Variants in ARHGAP19 observed in about 807,000 individuals in gnomAD.
The protein encoded by ARHGAP19 is rho GTPase-activating protein 19.
Under a neutral mutation model 60.9 loss-of-function variants are expected in ARHGAP19, and 48 were observed. The observed-to-expected ratio is 0.79, with a 90% CI of 0.62 to 1.00. The LOEUF (loss-of-function observed/expected upper bound fraction) is 1.00, where lower values mean the gene tolerates loss of function less well. ARHGAP19 is among the 50% of genes least tolerant of loss of function. The pLI, the probability that ARHGAP19 is intolerant of heterozygous loss-of-function variation, is 0.00. For missense variants in ARHGAP19, 562 were observed against 597.2 expected (o/e 0.94, Z 0.61); for synonymous variants, 209 against 215.5 (o/e 0.97, Z 0.27).
chr10:97,225,968 T>C lies in ARHGAP19; in HGVS notation c.*154A>G. The C allele has an allele frequency of 4.2e-6, 3 of 710,394 alleles. No individual in the cohort carries two copies. Among genetic ancestry groups the C allele is most frequent in the Non-Finnish European group, 7.1e-6 (3 of 421,376 alleles). 44.0% of individuals were successfully genotyped at this position (710,394 alleles called of 1,614,324 possible). A position where few individuals can be genotyped will look rare whatever the true frequency, so the allele number is the denominator to read the frequency against. On this transcript the variant is annotated 3_prime_UTR_variant, in exon 12 of 12. Coordinates refer to ENST00000358531, the MANE Select transcript of ARHGAP19 (RefSeq NM_032900.6). ...TGCAAACATCATCCAGTGAGTGGGG[T>C]TAGAGGTATCAGTCGGGTCACGGTA...
At chr10:97,280,475 GT>G (rs1843069590) in intron 1 of ARHGAP19, among the ~76,000 whole-genome samples, 1 of 151,886 alleles carries the variant, frequency 6.6e-6, no homozygotes, top group Non-Finnish European at 1.5e-5. Flanking sequence ...CTTGGAAAAA[GT>G]TCTATAGGAT....
At position 97,283,375 on chromosome 10, in the gene ARHGAP19, T is replaced by C. The variant is rs1843111177; in HGVS notation, c.56+9197A>G. ...TTCGAGACCAACCTGGCCAACATGG[T>C]GATACCCCGTCTCTACTAAAAATAC... On this transcript the variant is annotated intron_variant, in intron 1 of 11. Transcript: ENST00000358531. Among the ~76,000 whole-genome samples, 3 of 151,470 alleles carry C rather than the reference T, an allele frequency of 2.0e-5. No individual in the cohort carries two copies. The South Asian group carries it at 6.3e-4, about 32-fold the overall frequency.
At chr10:97,283,530 G>A (rs938292192) in intron 1 of ARHGAP19, among the ~76,000 whole-genome samples, 3 of 151,800 alleles carry the variant, frequency 2.0e-5, no homozygotes, top group Non-Finnish European at 4.4e-5. Context: ...CTCCGGCCTG[G>A]GCAACAGAGT....
At chr10:97,251,838 A>G (rs1842687184) in intron 6 of ARHGAP19, among the ~76,000 whole-genome samples, 1 of 146,626 alleles carries the variant, frequency 6.8e-6, no homozygotes, top group Non-Finnish European at 1.5e-5. Context: ...AGATGCTATG[A>G]GCTGAAAAAA....
At chr10:97,240,126 G>GA (rs1842455208) in intron 8 of ARHGAP19, among the ~76,000 whole-genome samples, 38 of 145,486 alleles carry the variant, frequency 2.6e-4, no homozygotes, top group South Asian at 4.3e-4. Context: ...GTTTTAAGGG[G>GA]GAAAAAAAAA....
chr10:97,284,367 C>A (rs946667836), intron 1 of ARHGAP19, among the ~76,000 whole-genome samples: 17 of 152,058 alleles, frequency 1.1e-4, no homozygotes, highest in Admixed American at 1.0e-3. Flanking sequence ...AAGTGTTCTG[C>A]CCACCTTGGC....
chr10:97,262,651 G>T (rs960576527), intron 4 of ARHGAP19, among the ~76,000 whole-genome samples: 5 of 152,052 alleles, frequency 3.3e-5, no homozygotes, highest in Non-Finnish European at 5.9e-5. Flanking sequence ...GTGACAGAGC[G>T]AGACTCAGTC....
At chr10:97,256,994 G>A (rs912192713) in intron 5 of ARHGAP19, among the ~76,000 whole-genome samples, 1 of 152,046 alleles carries the variant, frequency 6.6e-6, no homozygotes, top group Non-Finnish European at 1.5e-5. Flanking sequence ...GGTGGCGGGC[G>A]CCTGTAGTCC....
intron 6 of ARHGAP19, among the ~76,000 whole-genome samples, chr10:97,249,259 T>C (rs1842606783): frequency 6.6e-6 from 1 of 152,152 alleles, no homozygotes; most frequent in African/African-American, 2.4e-5. Flanking sequence ...CATTATTAGG[T>C]AATCACTCTA....
At chr10:97,289,667 T>G (rs1843203817) in intron 1 of ARHGAP19, among the ~76,000 whole-genome samples, 1 of 151,270 alleles carries the variant, frequency 6.6e-6, no homozygotes, top group African/African-American at 2.4e-5. Context: ...AGACCCCGGT[T>G]TCTACAAAAA....
At chr10:97,244,180 G>A in intron 7 of ARHGAP19, 21 bp from the exon 8 acceptor site, 2 of 1,564,600 alleles carry the variant, frequency 1.3e-6, no homozygotes, top group Non-Finnish European at 1.7e-6. Flanking sequence ...TTTAAAAGAA[G>A]AGTAAATTAA....
In ARHGAP19 at chr10:97,277,615, T is replaced by A. The variant is rs1196778938; in HGVS notation, c.57-11490A>T. The A allele has an allele frequency of 1.7e-3, 3 of 1,726 alleles. 1 individual carries two copies. Among genetic ancestry groups the A allele is most frequent in the African/African-American group, 1.8e-3 (3 of 1,706 alleles). The allele number at this position is 1,726 out of a possible 1,614,324, so 0.1% of individuals were successfully genotyped here. A position where few individuals can be genotyped will look rare whatever the true frequency, so the allele number is the denominator to read the frequency against. ...CAATAAAAAAATAAATTAAAAAAAA[T>A]AAATAAATAAATAAAAAAAATAAAA... On this transcript the variant is annotated intron_variant, in intron 1 of 11. Coordinates refer to ENST00000358531, the MANE Select transcript of ARHGAP19 (RefSeq NM_032900.6).
chr10:97,262,777 T>A (rs1842848151), intron 4 of ARHGAP19, among the ~76,000 whole-genome samples: 1 of 151,850 alleles, frequency 6.6e-6, no homozygotes, highest in Non-Finnish European at 1.5e-5. Flanking sequence ...CCTATAAACA[T>A]CTGAAATATA....
intron 7 of ARHGAP19, 71 bp downstream of exon 7, chr10:97,246,201 T>C: frequency 1.6e-6 from 2 of 1,242,906 alleles, no homozygotes; most frequent in Non-Finnish European, 2.4e-6. Context: ...TTTGACTTCA[T>C]ACTTTGTTTT....
Position 97,244,144 on chromosome 10 carries a change from T to C in ARHGAP19, c.1009A>G (p.Ile337Val). ...TQASKDDLDL[I>V]ASCHTKSFQL... The stretch of plus-strand genomic sequence containing the variant: ...AAGGACTTAGTATGACATGAAGCTA[T>C]GAGGTCAAGGTCATCCTAAGGAAAA... The change falls in exon 8 of 12, where the codon ATA becomes GTA. Residue 337 changes from isoleucine to valine, a missense_variant. Coordinates refer to ENST00000358531, the MANE Select transcript of ARHGAP19 (RefSeq NM_032900.6). The C allele has an allele frequency of 6.2e-7, 1 of 1,611,434 alleles. No homozygotes were observed. The highest frequency in any genetic ancestry group is 8.5e-7 in the Non-Finnish European group (1 of 1,179,064).
At chr10:97,239,596 G>T (rs895202547) in intron 8 of ARHGAP19, among the ~76,000 whole-genome samples, 4 of 104,362 alleles carry the variant, frequency 3.8e-5, no homozygotes, top group Non-Finnish European at 6.7e-5. Context: ...GTGTGTGTGT[G>T]TGTGTGTCTA....
intron 1 of ARHGAP19, chr10:97,270,713 C>T (rs1311433038): frequency 6.6e-7 from 1 of 1,524,712 alleles, no homozygotes; most frequent in Non-Finnish European, 8.8e-7. Context: ...TGCCCCAGCA[C>T]AGCCTACGCA....
intron 5 of ARHGAP19, 107 bp downstream of exon 5, chr10:97,259,295 C>G: frequency 1.1e-6 from 1 of 905,982 alleles, no homozygotes; most frequent in East Asian, 2.4e-5. Flanking sequence ...CCTCATAAAG[C>G]TGAAGGCTAG....
chr10:97,263,226 A>T (rs1842854085), intron 4 of ARHGAP19, among the ~76,000 whole-genome samples, 194 bp downstream of exon 4: 1 of 152,234 alleles, frequency 6.6e-6, no homozygotes, highest in African/African-American at 2.4e-5. Flanking sequence ...TTATTTATCA[A>T]GAAAGCCATT....
Sources: allele counts gnomAD v4.1 joint callset (sites outside exome capture counted in the v4.1 genomes callset), GRCh38; gene constraint gnomAD v4.1.1; transcripts MANE v1.5; gene names NCBI Gene and HGNC (gene_info 2026-07-23, HGNC 2026-07-21).